The following GLI3 variants were observed in gnomAD, a reference collection of about 807,000 sequenced individuals.
GLI3 encodes the protein GLI family zinc finger 3, also known as transcription activator GLI3.
Under a neutral mutation model 100.8 loss-of-function variants are expected in GLI3, and 20 were observed. That is an observed-to-expected ratio of 0.20 (90% CI 0.14 to 0.29). The LOEUF (loss-of-function observed/expected upper bound fraction) is 0.29. GLI3 is among the 10% of genes least tolerant of loss of function. The pLI is 1.00. For synonymous variants in GLI3, 938 were observed against 860.5 expected, an observed-to-expected ratio of 1.09 and a Z score of -1.58; for missense variants, 2,040 against 2,128.5, an observed-to-expected ratio of 0.96 and a Z score of 0.82.
intron 10 of GLI3, among the ~76,000 whole-genome samples, chr7:41,997,367 C>T (rs574029871): frequency 6.6e-6 from 1 of 152,148 alleles, no homozygotes; most frequent in South Asian, 2.1e-4. Flanking sequence ...ACTTTGCAGG[C>T]TGACATTTTT....
intron 10 of GLI3, among the ~76,000 whole-genome samples, chr7:42,015,487 G>A (rs1372933699): frequency 1.3e-5 from 2 of 151,900 alleles, no homozygotes; most frequent in Non-Finnish European, 2.9e-5. Flanking sequence ...AAAAGTCCTC[G>A]CATTAGAAAA....
intron 10 of GLI3, among the ~76,000 whole-genome samples, chr7:41,981,412 T>A (rs1787665065): frequency 6.6e-6 from 1 of 152,196 alleles, no homozygotes; most frequent in Admixed American, 6.5e-5. Context: ...CAGGCTTGCA[T>A]GTCTGCCCCT....
chr7:42,103,241 T>C (rs1427669368), intron 3 of GLI3, among the ~76,000 whole-genome samples: 3 of 152,204 alleles, frequency 2.0e-5, no homozygotes, highest in African/African-American at 7.2e-5. Context: ...GAGAGCCACC[T>C]GAGTCACAGT....
At chr7:42,164,049 T>C (rs1787188191) in intron 2 of GLI3, among the ~76,000 whole-genome samples, 1 of 152,220 alleles carries the variant, frequency 6.6e-6, no homozygotes, top group Non-Finnish European at 1.5e-5. Context: ...CTGGATAGAC[T>C]TGAAATTCAT....
intron 10 of GLI3, among the ~76,000 whole-genome samples, chr7:42,007,239 A>AAAAAGG (rs1788483518): frequency 6.6e-6 from 1 of 151,496 alleles, no homozygotes; most frequent in Admixed American, 6.6e-5. Context: ...AAAAAAAAAA[A>AAAAAGG]AAGGAAGGAA....
At chr7:42,183,602 G>T (rs117339701) in intron 2 of GLI3, among the ~76,000 whole-genome samples, 3 of 152,270 alleles carry the variant, frequency 2.0e-5, no homozygotes, top group African/African-American at 7.2e-5. Flanking sequence ...CCAGGTCACT[G>T]AAGGACCTGT....
intron 7 of GLI3, among the ~76,000 whole-genome samples, chr7:42,029,995 T>C (rs984963506): frequency 1.3e-5 from 2 of 152,312 alleles, no homozygotes; most frequent in East Asian, 3.9e-4. Context: ...AGTTCCCTGT[T>C]GCTGCTGCAA....
At chr7:42,175,446 T>C (rs7809727) in intron 2 of GLI3, among the ~76,000 whole-genome samples, 38,289 of 151,984 alleles carry the variant, frequency 0.25, 5,216 homozygotes, top group South Asian at 0.34. Flanking sequence ...GGCAAAACCC[T>C]GTCTCGACTA....
At position 42,237,155 on chromosome 7, in the gene GLI3, G is replaced by A. The variant is rs1685959505; in HGVS notation, c.-227C>T. ...GGGCGGCCGCGGGGCGCGCGGGGAA[G>A]GCGGGAGAGCGGCGCGGGTGAGTGG... On this transcript the variant is annotated 5_prime_UTR_variant, in exon 1 of 15. Transcript: ENST00000395925. 6.7e-6 allele frequency: 1 copy of A among 149,462 alleles called. No homozygotes were observed. The highest frequency in any genetic ancestry group is 2.4e-5 in the African/African-American group (1 of 41,100). The allele number at this position is 149,462 out of a possible 1,614,324, so 9.3% of individuals were successfully genotyped here.
At chr7:42,034,869 C>A (rs914205038) in intron 7 of GLI3, among the ~76,000 whole-genome samples, 3 of 152,094 alleles carry the variant, frequency 2.0e-5, no homozygotes, top group African/African-American at 7.2e-5. Context: ...TGCTTAGAGG[C>A]TTTTCCCTTC....
chr7:42,183,687 T>C (rs976118466), intron 2 of GLI3, among the ~76,000 whole-genome samples: 1 of 152,214 alleles, frequency 6.6e-6, no homozygotes, highest in Admixed American at 6.5e-5. Context: ...ATTATATCTA[T>C]ATTTATGTTT....
intron 10 of GLI3, among the ~76,000 whole-genome samples, chr7:41,986,864 C>T (rs1583758504): frequency 6.7e-6 from 1 of 149,578 alleles, no homozygotes; most frequent in Non-Finnish European, 1.5e-5. Flanking sequence ...CCCCACCCCA[C>T]GCCTCCAAAG....
chr7:42,097,427 C>T (rs60003365), intron 3 of GLI3, among the ~76,000 whole-genome samples: 25,521 of 152,114 alleles, frequency 0.17, 2,672 homozygotes, highest in African/African-American at 0.3. Context: ...GCCTCACAGG[C>T]CCTGGCCCAG....
At chr7:42,044,015 T>C (rs945058128) in intron 6 of GLI3, among the ~76,000 whole-genome samples, 4 of 152,176 alleles carry the variant, frequency 2.6e-5, no homozygotes, top group Non-Finnish European at 4.4e-5. Flanking sequence ...AGTAATGAGC[T>C]TCCCAGTGGA....
At chr7:42,167,484 T>C (rs2128674507) in intron 2 of GLI3, among the ~76,000 whole-genome samples, 2 of 152,278 alleles carry the variant, frequency 1.3e-5, no homozygotes, top group Middle Eastern at 6.8e-3. Flanking sequence ...CCTCCTTGAG[T>C]TATTAAATTG....
At position 41,967,453 on chromosome 7, in the gene GLI3, T is replaced by C. The variant is rs573935039; in HGVS notation, c.2431+143A>G. 2.3e-5 allele frequency: 16 copies of C among 706,108 alleles called. 1 individual carries two copies. Among genetic ancestry groups the C allele is most frequent in the Middle Eastern group, 4.1e-4 (1 of 2,434 alleles). 43.7% of individuals were successfully genotyped at this position (706,108 alleles called of 1,614,324 possible). ...AATATGGACAATCCCAAAAGGCAACTTGAATGGGCTAAACATTAACGGATG... is the reference window on the plus strand; with the variant it reads ...AATATGGACAATCCCAAAAGGCAACCTGAATGGGCTAAACATTAACGGATG... On this transcript the variant is annotated intron_variant, in intron 14 of 14. Coordinates refer to ENST00000395925, the MANE Select transcript of GLI3 (RefSeq NM_000168.6).
chr7:42,122,598 G>A (rs1057365692), intron 3 of GLI3, among the ~76,000 whole-genome samples: 3 of 152,164 alleles, frequency 2.0e-5, no homozygotes, highest in African/African-American at 7.2e-5. Context: ...ACTTACACAA[G>A]TCAGCCAGCA....
intron 4 of GLI3, among the ~76,000 whole-genome samples, chr7:42,052,596 A>T (rs1784373632): frequency 6.6e-6 from 1 of 152,180 alleles, no homozygotes; most frequent in African/African-American, 2.4e-5. Flanking sequence ...GTGTAAAGGT[A>T]GGAACACAGT....
chr7:42,167,490 A>T (rs1787268781), intron 2 of GLI3, among the ~76,000 whole-genome samples: 1 of 152,190 alleles, frequency 6.6e-6, no homozygotes, highest in Non-Finnish European at 1.5e-5. Flanking sequence ...TGAGTTATTA[A>T]ATTGTCAGTT....
Sources: allele counts gnomAD v4.1 joint callset (sites outside exome capture counted in the v4.1 genomes callset), GRCh38; gene constraint gnomAD v4.1.1; transcripts MANE v1.5; gene names NCBI Gene and HGNC (gene_info 2026-07-23, HGNC 2026-07-21).